The following GRIK1 variants were observed in gnomAD, a reference collection of about 807,000 sequenced individuals.
The protein encoded by GRIK1 is glutamate ionotropic receptor kainate type subunit 1, also known as glutamate receptor ionotropic, kainate 1.
In GRIK1, 69 loss-of-function variants were observed where a neutral mutation model predicts 105.7. The observed-to-expected ratio is 0.65, with a 90% CI of 0.54 to 0.80. The LOEUF (loss-of-function observed/expected upper bound fraction) is 0.80. Ranked by LOEUF, GRIK1 falls within the 30% of genes least tolerant of loss-of-function variation. GRIK1 has a pLI of 0.00. For missense variants in GRIK1, 1,109 were observed against 1,167.3 expected (o/e 0.95, Z 0.73); for synonymous variants, 438 against 431.3 (o/e 1.02, Z -0.19).
chr21:29,845,140 G>A (rs1174615348), intron 1 of GRIK1, among the ~76,000 whole-genome samples: 1 of 151,874 alleles, frequency 6.6e-6, no homozygotes, highest in African/African-American at 2.4e-5. Context: ...AGAAACAATG[G>A]GTGCCTATCT....
intron 1 of GRIK1, among the ~76,000 whole-genome samples, chr21:29,876,470 T>C (rs2069195573): frequency 6.6e-6 from 1 of 152,208 alleles, no homozygotes; most frequent in Non-Finnish European, 1.5e-5. Flanking sequence ...GATACCAGAA[T>C]CTACCCCCTA....
chr21:29,658,902 A>G (rs1016473021), intron 4 of GRIK1, among the ~76,000 whole-genome samples: 1 of 152,190 alleles, frequency 6.6e-6, no homozygotes, highest in Non-Finnish European at 1.5e-5. Flanking sequence ...TAGCATTGTT[A>G]TCAGTGCCAG....
chr21:29,556,684 C>T (rs2090265260), intron 15 of GRIK1, among the ~76,000 whole-genome samples: 1 of 152,128 alleles, frequency 6.6e-6, no homozygotes, highest in Admixed American at 6.5e-5. Context: ...CTTTGGCTCT[C>T]TCTCTTTTTC....
chr21:29,905,019 C>T (rs1436458929), intron 1 of GRIK1, among the ~76,000 whole-genome samples: 1 of 152,178 alleles, frequency 6.6e-6, no homozygotes, highest in Non-Finnish European at 1.5e-5. Context: ...CTCTCTGAGC[C>T]TCCGAGCGGT....
At chr21:29,907,659 A>G (rs952004428) in intron 1 of GRIK1, among the ~76,000 whole-genome samples, 70 of 152,160 alleles carry the variant, frequency 4.6e-4, no homozygotes, top group African/African-American at 1.7e-3. Context: ...GGCATTCTAT[A>G]TGAATGAAAA....
intron 16 of GRIK1, among the ~76,000 whole-genome samples, chr21:29,542,492 C>A (rs950753417): frequency 6.6e-6 from 1 of 152,076 alleles, no homozygotes; most frequent in African/African-American, 2.4e-5. Context: ...CTCTGCCTCA[C>A]GAAGAATGAT....
chr21:29,797,391 G>A (rs2066588445), intron 1 of GRIK1, among the ~76,000 whole-genome samples: 1 of 152,178 alleles, frequency 6.6e-6, no homozygotes. Context: ...GATGTGACAG[G>A]CTGCCATGAA....
At chr21:29,711,943 GA>G (rs1174549269) in intron 1 of GRIK1, among the ~76,000 whole-genome samples, 1 of 151,648 alleles carries the variant, frequency 6.6e-6, no homozygotes, top group African/African-American at 2.4e-5. Context: ...GAAAAAAGGA[GA>G]AAAAAATCAT....
chr21:29,812,173 A>C (rs1249198049), intron 1 of GRIK1, among the ~76,000 whole-genome samples: 1 of 152,178 alleles, frequency 6.6e-6, no homozygotes, highest in African/African-American at 2.4e-5. Flanking sequence ...AATAAACTTT[A>C]TAGGGATTTG....
chr21:29,738,826 C>T (rs1449959445), intron 1 of GRIK1, among the ~76,000 whole-genome samples: 2 of 152,128 alleles, frequency 1.3e-5, no homozygotes, highest in African/African-American at 2.4e-5. Flanking sequence ...AACCACTTGT[C>T]ATTTACTAAA....
At chr21:29,763,027 T>C (rs1169790963) in intron 1 of GRIK1, among the ~76,000 whole-genome samples, 1 of 152,170 alleles carries the variant, frequency 6.6e-6, no homozygotes, top group Non-Finnish European at 1.5e-5. Context: ...TCCTCCAAAG[T>C]AGTGCCAGGT....
intron 1 of GRIK1, among the ~76,000 whole-genome samples, chr21:29,850,432 G>A (rs187368563): frequency 1.3e-3 from 191 of 152,026 alleles, no homozygotes; most frequent in Non-Finnish European, 2.4e-3. Flanking sequence ...TACTGCTATC[G>A]CCCTAATGTT....
intron 1 of GRIK1, among the ~76,000 whole-genome samples, chr21:29,846,129 G>A (rs774085361): frequency 1.3e-5 from 2 of 152,086 alleles, no homozygotes; most frequent in Non-Finnish European, 2.9e-5. Context: ...AGTGGCTCAC[G>A]CCTGTAATCT....
intron 14 of GRIK1, 63 bp downstream of exon 14, chr21:29,576,901 G>A: frequency 2.6e-6 from 2 of 771,254 alleles, no homozygotes; most frequent in South Asian, 2.7e-5. Flanking sequence ...TTTTTCGACA[G>A]ATTCTTTTAT....
At chr21:29,778,763 A>T (rs2066012244) in intron 1 of GRIK1, among the ~76,000 whole-genome samples, 1 of 152,168 alleles carries the variant, frequency 6.6e-6, no homozygotes, top group Non-Finnish European at 1.5e-5. Flanking sequence ...AGTTATTCTG[A>T]AACAGATATG....
chr21:29,760,835 A>G (rs56060916), intron 1 of GRIK1, among the ~76,000 whole-genome samples: 3,619 of 152,292 alleles, frequency 0.024, 58 homozygotes, highest in Non-Finnish European at 0.036. Context: ...GATGTCTGTC[A>G]GTGATTCACA....
chr21:29,898,241 A>T (rs1399728737), intron 1 of GRIK1, among the ~76,000 whole-genome samples: 1 of 152,232 alleles, frequency 6.6e-6, no homozygotes, highest in African/African-American at 2.4e-5. Flanking sequence ...AGCAGAACAA[A>T]AGTCCCTGCC....
chr21:29,846,382 C>T (rs1188326029), intron 1 of GRIK1, among the ~76,000 whole-genome samples: 6 of 78,750 alleles, frequency 7.6e-5, no homozygotes, highest in Non-Finnish European at 1.6e-4. Context: ...GAGAGAAACT[C>T]AGTCAAAAAA....
At chr21:29,568,514 T>C (rs1170174855) in intron 14 of GRIK1, among the ~76,000 whole-genome samples, 4 of 152,298 alleles carry the variant, frequency 2.6e-5, no homozygotes, top group Admixed American at 1.3e-4. Flanking sequence ...CCCTAGACCA[T>C]GAAAGCCAGA....
Sources: gnomAD v4.1 joint callset for allele counts (sites outside exome capture counted in the v4.1 genomes callset) on GRCh38, gnomAD v4.1.1 for gene constraint, MANE v1.5 for transcripts, NCBI Gene and HGNC (gene_info 2026-07-23, HGNC 2026-07-21) for gene names.